The following GREM2 variants were observed in gnomAD, a reference collection of about 807,000 sequenced individuals.
The protein encoded by GREM2 is gremlin-2.
A neutral mutation model predicts 14.2 loss-of-function variants in GREM2; 11 were observed. That is an observed-to-expected ratio of 0.78 (90% CI 0.49 to 1.28). GREM2 has a LOEUF of 1.28. Ranked by LOEUF, GREM2 falls within the 50% of genes most tolerant of loss-of-function variation. The pLI is 0.00. For synonymous variants in GREM2, 98 were observed against 97.6 expected (o/e 1.00, Z -0.02); for missense variants, 210 against 218.5 (o/e 0.96, Z 0.24).
chr1:240,529,538 G>A (rs557441702), intron 1 of GREM2, among the ~76,000 whole-genome samples: 213 of 151,808 alleles, frequency 1.4e-3, no homozygotes, highest in African/African-American at 4.8e-3. Context: ...CATATCTGAC[G>A]TATCTGTTAT....
Position 240,591,479 on chromosome 1 carries a change from A to G in GREM2, c.-2+20405T>C, listed in dbSNP as rs571080482. ...TGGTGTTGAGGAGGCCCATGTGTAC[A>G]GAAGAGCTTACGTCTTTGGTATTCC... is the stretch of plus-strand genomic sequence containing the variant. On this transcript the variant is annotated intron_variant, in intron 1 of 1. Transcript: ENST00000318160. Among the ~76,000 whole-genome samples the G allele has an allele frequency of 2.0e-5, 3 of 152,362 alleles. No individual in the cohort carries two copies. In the South Asian group the frequency reaches 6.2e-4, roughly 32 times the overall value.
intron 1 of GREM2, among the ~76,000 whole-genome samples, chr1:240,601,552 T>G (rs1470930723): frequency 6.6e-6 from 1 of 152,244 alleles, no homozygotes; most frequent in African/African-American, 2.4e-5. Flanking sequence ...TTCAGTTCTT[T>G]GTTGGTAAGA....
chr1:240,584,869 T>A (rs1679559449), intron 1 of GREM2, among the ~76,000 whole-genome samples: 1 of 152,180 alleles, frequency 6.6e-6, no homozygotes, highest in Non-Finnish European at 1.5e-5. Flanking sequence ...GATGTGAGCA[T>A]CCTCTGATTT....
chr1:240,585,466 AC>A (rs1189489486), intron 1 of GREM2, among the ~76,000 whole-genome samples: 2 of 152,072 alleles, frequency 1.3e-5, no homozygotes, highest in African/African-American at 4.8e-5. Flanking sequence ...ACGGTGGCTC[AC>A]CCCTGTAATC....
chr1:240,592,263 C>G (rs1028334739), intron 1 of GREM2, among the ~76,000 whole-genome samples: 1 of 152,126 alleles, frequency 6.6e-6, no homozygotes, highest in Non-Finnish European at 1.5e-5. Flanking sequence ...AGACACAATT[C>G]ATTTGTAAGA....
intron 1 of GREM2, among the ~76,000 whole-genome samples, chr1:240,521,508 T>C (rs1464421014): frequency 6.6e-6 from 1 of 151,858 alleles, no homozygotes; most frequent in Non-Finnish European, 1.5e-5. Flanking sequence ...GAGGCGGAGC[T>C]TACAGTGAGC....
intron 1 of GREM2, among the ~76,000 whole-genome samples, chr1:240,508,117 A>G (rs1206757818): frequency 6.6e-6 from 1 of 152,118 alleles, no homozygotes; most frequent in Admixed American, 6.6e-5. Context: ...TCCTCCAAAT[A>G]CCTAACTTAC....
At chr1:240,563,313 AT>A (rs1679112136) in intron 1 of GREM2, among the ~76,000 whole-genome samples, 1 of 152,176 alleles carries the variant, frequency 6.6e-6, no homozygotes. Flanking sequence ...TAAAAAAAAT[AT>A]GAAGACTTGT....
At chr1:240,498,656 T>C (rs2103274494) in intron 1 of GREM2, among the ~76,000 whole-genome samples, 1 of 152,344 alleles carries the variant, frequency 6.6e-6, no homozygotes, top group South Asian at 2.1e-4. Flanking sequence ...AGGAGCTGAA[T>C]TTAGCACTTT....
intron 1 of GREM2, among the ~76,000 whole-genome samples, chr1:240,547,846 C>T (rs183541024): frequency 3.9e-5 from 6 of 151,918 alleles, no homozygotes; most frequent in Admixed American, 1.3e-4. Context: ...AAGTCAGGCA[C>T]AAGCAGAGAA....
intron 1 of GREM2, among the ~76,000 whole-genome samples, chr1:240,551,446 T>C (rs1678849244): frequency 6.6e-6 from 1 of 152,152 alleles, no homozygotes; most frequent in African/African-American, 2.4e-5. Flanking sequence ...CCTCCTGGGT[T>C]CAAGCAGTTC....
intron 1 of GREM2, among the ~76,000 whole-genome samples, chr1:240,539,764 G>A (rs1458571293): frequency 6.6e-6 from 1 of 152,186 alleles, no homozygotes; most frequent in Non-Finnish European, 1.5e-5. Flanking sequence ...AAACTGCAAT[G>A]TTATTGTAAA....
chr1:240,524,811 A>G (rs1678187717), intron 1 of GREM2, among the ~76,000 whole-genome samples: 1 of 152,182 alleles, frequency 6.6e-6, no homozygotes, highest in African/African-American at 2.4e-5. Context: ...CAAGACAAAA[A>G]TAGACATATC....
At chr1:240,553,100 T>C (rs1325446024) in intron 1 of GREM2, among the ~76,000 whole-genome samples, 2 of 152,212 alleles carry the variant, frequency 1.3e-5, no homozygotes, top group African/African-American at 2.4e-5. Flanking sequence ...GACATCAGAA[T>C]TCTATCAGAA....
intron 1 of GREM2, among the ~76,000 whole-genome samples, chr1:240,529,810 C>A (rs1193003201): frequency 6.6e-6 from 1 of 152,076 alleles, no homozygotes; most frequent in Non-Finnish European, 1.5e-5. Flanking sequence ...TTTAGATTCC[C>A]AGGTTTATTT....
At chr1:240,541,122 A>G (rs2103325692) in intron 1 of GREM2, among the ~76,000 whole-genome samples, 1 of 152,302 alleles carries the variant, frequency 6.6e-6, no homozygotes, top group South Asian at 2.1e-4. Context: ...TCCCTGGGAT[A>G]AAAGGGTGGG....
chr1:240,543,474 T>C lies in GREM2; in HGVS notation c.-1-49998A>G, dbSNP rs1480550313. Among the ~76,000 whole-genome samples, 1 of 152,156 alleles carries C rather than the reference T, an allele frequency of 6.6e-6. No homozygotes were observed. Among genetic ancestry groups the C allele is most frequent in the East Asian group, 1.9e-4 (1 of 5,178 alleles). ...AAACCATCAGATCTGGTGAGACTTA[T>C]TCACTACCATGATAACAGTAGGGGG... On this transcript the variant is annotated intron_variant, in intron 1 of 1. Transcript: ENST00000318160. This position sits in a 1 kb window ranked among gnomAD's most constrained non-coding sequence, Gnocchi z 6.4.
rs1352325705 is a variant in GREM2 at position 240,493,170 on chromosome 1, G to A, written c.306C>T (p.Asn102=). 1.2e-6 allele frequency: 2 copies of A among 1,614,088 alleles called. No homozygotes were observed. Among genetic ancestry groups the A allele is most frequent in the African/African-American group, 1.3e-5 (1 of 74,938 alleles). ...TCACGTGCCGCGGGATGTAGAAGGA[G>A]TTGCACTGGCCGTAGCAGAAGCGGT... ...ILNRFCYGQC[N]SFYIPRHVKK... is the part of the protein sequence containing the mutation. Residue 102 remains asparagine, a synonymous_variant, in exon 2 of 2, where the codon AAC becomes AAT. Transcript: ENST00000318160.
rs2065834 is a variant in GREM2 at position 240,498,216 on chromosome 1, A to T, written c.-1-4740T>A. On this transcript the variant is annotated intron_variant, in intron 1 of 1. Transcript: ENST00000318160. Reference sequence around the variant, plus strand: ...TAACATGTTTTCAAAACATCTGGCAATCATCCTTAGAAGTTAGGTCTCACG... The same window carrying T: ...TAACATGTTTTCAAAACATCTGGCATTCATCCTTAGAAGTTAGGTCTCACG... 4.1e-3 allele frequency among the ~76,000 whole-genome samples: 627 copies of T among 152,300 alleles called. 3 individuals are homozygous for T. Among genetic ancestry groups the T allele is most frequent in the African/African-American group, 0.014 (592 of 41,572 alleles).
Sources: gnomAD v4.1 joint callset for allele counts (sites outside exome capture counted in the v4.1 genomes callset) on GRCh38, gnomAD v4.1.1 for gene constraint, Gnocchi (gnomAD v3.1) non-coding constraint, MANE v1.5 for transcripts, NCBI Gene and HGNC (gene_info 2026-07-23, HGNC 2026-07-21) for gene names.